The following DLG2 variants were observed in gnomAD, a reference collection of about 807,000 sequenced individuals.
DLG2 encodes the protein discs large MAGUK scaffold protein 2.
In DLG2, 45 loss-of-function variants were observed where a neutral mutation model predicts 132.5. The ratio of observed to expected loss-of-function variants is 0.34; its 90% CI spans 0.27 to 0.44. The LOEUF (loss-of-function observed/expected upper bound fraction) is 0.44. Among genes scored for constraint, DLG2 ranks in the 20% least tolerant of loss-of-function variants. The probability of loss-of-function intolerance (pLI) is 1.00; values close to 1 mark genes in which losing one functional copy is unlikely to be tolerated. For missense variants in DLG2, 1,045 were observed against 1,196.9 expected (o/e 0.87, Z 1.87); for synonymous variants, 424 against 419.6 (o/e 1.01, Z -0.13).
intron 6 of DLG2, among the ~76,000 whole-genome samples, chr11:84,588,861 C>A (rs1240800974): frequency 1.3e-5 from 2 of 150,882 alleles, no homozygotes; most frequent in Admixed American, 6.6e-5. Context: ...TTCTTTTATT[C>A]CTCTACTTTC....
At chr11:84,157,879 C>T (rs922126446) in intron 9 of DLG2, among the ~76,000 whole-genome samples, 1 of 152,130 alleles carries the variant, frequency 6.6e-6, no homozygotes, top group African/African-American at 2.4e-5. Context: ...AACAATGCTA[C>T]TGTAGAGGAG....
At chr11:83,909,116 T>G (rs1369430391) in intron 15 of DLG2, among the ~76,000 whole-genome samples, 1 of 152,152 alleles carries the variant, frequency 6.6e-6, no homozygotes, top group African/African-American at 2.4e-5. Flanking sequence ...AAATACAAGG[T>G]TTTATGCCAT....
chr11:83,609,013 C>T (rs2059737643), intron 19 of DLG2, among the ~76,000 whole-genome samples: 1 of 152,116 alleles, frequency 6.6e-6, no homozygotes, highest in Non-Finnish European at 1.5e-5. Flanking sequence ...CAGAAGCCCC[C>T]CTTTAAAGTA....
At chr11:85,577,828 T>C (rs1170824939) in intron 3 of DLG2, among the ~76,000 whole-genome samples, 2 of 152,144 alleles carry the variant, frequency 1.3e-5, no homozygotes, top group Non-Finnish European at 2.9e-5. Context: ...AAGCAACTTA[T>C]ACATTCAATG....
chr11:85,384,165 GT>G (rs1219567939), intron 3 of DLG2, among the ~76,000 whole-genome samples: 1 of 152,098 alleles, frequency 6.6e-6, no homozygotes, highest in Non-Finnish European at 1.5e-5. Context: ...AGGTACATCA[GT>G]TCTAATCCTC....
rs559307663 is a variant in DLG2, at chr11:85,376,048, T to A, written c.41-90683A>T. On this transcript the variant is annotated intron_variant, in intron 3 of 27. Transcript: ENST00000376104. ...AGTTAACAAAGCACCATTGCACTAT[T>A]TCAACCTAATAAGTAGTTATAGAGC... Among the ~76,000 whole-genome samples, 4 of 152,302 alleles carry A rather than the reference T, an allele frequency of 2.6e-5. No individual in the cohort carries two copies. The East Asian group carries it at 7.7e-4, about 29-fold the overall frequency.
At chr11:83,936,153 C>T (rs999591702) in intron 14 of DLG2, among the ~76,000 whole-genome samples, 4 of 152,300 alleles carry the variant, frequency 2.6e-5, no homozygotes, top group East Asian at 1.9e-4. Flanking sequence ...TCAGTTCACA[C>T]GATAGCACTT....
intron 6 of DLG2, among the ~76,000 whole-genome samples, chr11:85,083,529 G>A (rs910256084): frequency 1.3e-5 from 2 of 152,160 alleles, no homozygotes; most frequent in Non-Finnish European, 2.9e-5. Context: ...CTCCAGCTTG[G>A]TTTTATATGT....
At chr11:85,404,993 T>C (rs1163394938) in intron 3 of DLG2, among the ~76,000 whole-genome samples, 2 of 151,978 alleles carry the variant, frequency 1.3e-5, no homozygotes, top group African/African-American at 4.8e-5. Context: ...ACAGATACTG[T>C]ATTTTCCCCC....
chr11:84,937,558 C>G (rs887795481), intron 6 of DLG2, among the ~76,000 whole-genome samples: 2 of 152,082 alleles, frequency 1.3e-5, no homozygotes, highest in Non-Finnish European at 2.9e-5. Context: ...AACAGTTTAG[C>G]TAACTCTGGA....
chr11:83,675,964 G>C (rs1324269607), intron 18 of DLG2, among the ~76,000 whole-genome samples: 1 of 152,116 alleles, frequency 6.6e-6, no homozygotes, highest in East Asian at 1.9e-4. Flanking sequence ...TGTACATTAT[G>C]TATTGTACAT....
At chr11:84,585,978 C>G (rs1173373539) in intron 6 of DLG2, among the ~76,000 whole-genome samples, 2 of 152,236 alleles carry the variant, frequency 1.3e-5, no homozygotes, top group African/African-American at 4.8e-5. Context: ...TGGTGAAACC[C>G]TGTCTCTACT....
chr11:85,542,820 T>C (rs959481786), intron 3 of DLG2, among the ~76,000 whole-genome samples: 1 of 152,234 alleles, frequency 6.6e-6, no homozygotes, highest in Non-Finnish European at 1.5e-5. Context: ...AGGGCATTTA[T>C]TTAAAAACAA....
At chr11:84,928,723 C>T (rs182689465) in intron 6 of DLG2, among the ~76,000 whole-genome samples, 66 of 151,498 alleles carry the variant, frequency 4.4e-4, no homozygotes, top group African/African-American at 1.5e-3. Context: ...TTCTTGCATC[C>T]TCCTTGGGAT....
intron 9 of DLG2, among the ~76,000 whole-genome samples, chr11:84,136,163 A>G (rs1309731250): frequency 3.3e-5 from 5 of 152,126 alleles, no homozygotes; most frequent in African/African-American, 4.8e-5. Context: ...AACCCTAAAT[A>G]TTGAGTAACT....
intron 6 of DLG2, among the ~76,000 whole-genome samples, chr11:84,927,602 T>G (rs1282849338): frequency 6.6e-6 from 1 of 152,004 alleles, no homozygotes; most frequent in East Asian, 1.9e-4. Context: ...TTTAATGTTG[T>G]AGAGAGAAAG....
chr11:85,428,991 T>C (rs555296465), intron 3 of DLG2, among the ~76,000 whole-genome samples: 140 of 152,180 alleles, frequency 9.2e-4, no homozygotes, highest in African/African-American at 3.3e-3. Context: ...CAGAGAATAC[T>C]ATAAACACCT....
At chr11:83,922,907 C>A (rs1017393826) in intron 15 of DLG2, among the ~76,000 whole-genome samples, 7 of 152,142 alleles carry the variant, frequency 4.6e-5, no homozygotes, top group African/African-American at 1.4e-4. Flanking sequence ...TTTGTCCACA[C>A]TCCTGAGAAG....
intron 7 of DLG2, among the ~76,000 whole-genome samples, chr11:84,313,577 G>T: frequency 7.1e-6 from 1 of 140,102 alleles, no homozygotes; most frequent in Non-Finnish European, 1.6e-5. Flanking sequence ...GAGAGAGAGA[G>T]AGAGAAAGGA....
Sources: allele counts gnomAD v4.1 joint callset (sites outside exome capture counted in the v4.1 genomes callset), GRCh38; gene constraint gnomAD v4.1.1; transcripts MANE v1.5; gene names NCBI Gene and HGNC (gene_info 2026-07-23, HGNC 2026-07-21).